The following RASAL2 variants were observed in gnomAD, a reference collection of about 807,000 sequenced individuals.
RASAL2 encodes the protein RAS protein activator like 2, also known as ras GTPase-activating protein nGAP.
A neutral mutation model predicts 128.9 loss-of-function variants in RASAL2; 58 were observed. The ratio of observed to expected loss-of-function variants is 0.45; its 90% CI spans 0.36 to 0.56. The LOEUF (loss-of-function observed/expected upper bound fraction) is 0.56. Among genes scored for constraint, RASAL2 ranks in the 20% least tolerant of loss-of-function variants. The pLI, the probability that RASAL2 is intolerant of heterozygous loss-of-function variation, is 0.00. For missense variants in RASAL2, 1,360 were observed against 1,601.6 expected, an observed-to-expected ratio of 0.85 and a Z score of 2.57; for synonymous variants, 561 against 580.8, an observed-to-expected ratio of 0.97 and a Z score of 0.49.
chr1:178,159,729 G>C (rs979332153), intron 1 of RASAL2, among the ~76,000 whole-genome samples: 2 of 152,062 alleles, frequency 1.3e-5, no homozygotes, highest in South Asian at 4.1e-4. Flanking sequence ...GGAAGTTTGA[G>C]ACCAGCCTGG....
chr1:178,137,342 C>T (rs1660364023), intron 1 of RASAL2, among the ~76,000 whole-genome samples: 1 of 152,136 alleles, frequency 6.6e-6, no homozygotes, highest in African/African-American at 2.4e-5. Context: ...TGCTTCTGCT[C>T]GCAGAATTGA....
chr1:178,172,417 A>G (rs1027995543), intron 1 of RASAL2, among the ~76,000 whole-genome samples: 2 of 152,036 alleles, frequency 1.3e-5, no homozygotes, highest in African/African-American at 2.4e-5. Context: ...ACCATTGAAT[A>G]TTCTGTTTGT....
chr1:178,310,079 CTG>C (rs1005771109), intron 3 of RASAL2, among the ~76,000 whole-genome samples: 8 of 152,066 alleles, frequency 5.3e-5, no homozygotes, highest in African/African-American at 1.9e-4. Flanking sequence ...AGTGAGGACT[CTG>C]TTTTTATTCC....
At chr1:178,325,557 G>C (rs1160619797) in intron 3 of RASAL2, among the ~76,000 whole-genome samples, 1 of 152,050 alleles carries the variant, frequency 6.6e-6, no homozygotes, top group African/African-American at 2.4e-5. Context: ...AAAATAAGAA[G>C]AGAAAAAAAT....
intron 12 of RASAL2, among the ~76,000 whole-genome samples, chr1:178,455,088 C>G (rs896008055): frequency 1.1e-4 from 17 of 152,176 alleles, no homozygotes; most frequent in African/African-American, 4.1e-4. Context: ...TTTTACTATA[C>G]AAGTCATAGA....
At chr1:178,335,881 T>G (rs1422393589) in intron 3 of RASAL2, among the ~76,000 whole-genome samples, 1 of 151,512 alleles carries the variant, frequency 6.6e-6, no homozygotes, top group African/African-American at 2.4e-5. Context: ...AAATTAATAC[T>G]ATTATAGAAA....
intron 3 of RASAL2, among the ~76,000 whole-genome samples, chr1:178,322,087 C>T (rs1668818024): frequency 6.6e-6 from 1 of 151,982 alleles, no homozygotes; most frequent in African/African-American, 2.4e-5. Context: ...CCCACCTCGG[C>T]CTCCCAAAGT....
chr1:178,146,232 A>T (rs1196525055), intron 1 of RASAL2, among the ~76,000 whole-genome samples: 1 of 152,234 alleles, frequency 6.6e-6, no homozygotes, highest in African/African-American at 2.4e-5. Context: ...CTGGAAAATA[A>T]TACAGATTAT....
chr1:178,385,669 T>G (rs535286777), intron 3 of RASAL2, among the ~76,000 whole-genome samples: 1 of 152,328 alleles, frequency 6.6e-6, no homozygotes, highest in East Asian at 1.9e-4. Context: ...TTCCTTAGCA[T>G]ATACATTTTC....
intron 5 of RASAL2, among the ~76,000 whole-genome samples, chr1:178,428,998 A>C (rs1350317273): frequency 3.9e-5 from 6 of 152,126 alleles, no homozygotes; most frequent in Non-Finnish European, 8.8e-5. Context: ...CATAATGCTC[A>C]CTGAGCCTAA....
intron 3 of RASAL2, among the ~76,000 whole-genome samples, chr1:178,343,721 C>T (rs9970621): frequency 0.038 from 5,831 of 151,922 alleles, 365 homozygotes; most frequent in African/African-American, 0.13. Flanking sequence ...GAGAAAAATA[C>T]TCAAAGGAAA....
intron 5 of RASAL2, among the ~76,000 whole-genome samples, chr1:178,424,382 G>A (rs1675378902): frequency 1.3e-5 from 2 of 151,236 alleles, no homozygotes; most frequent in South Asian, 4.2e-4. Context: ...AGCTTGGATT[G>A]CAGACATAAG....
intron 13 of RASAL2, 41 bp from the exon 14 acceptor site, chr1:178,457,642 G>A (rs1423356481): frequency 1.3e-6 from 2 of 1,584,312 alleles, no homozygotes; most frequent in African/African-American, 2.7e-5. Flanking sequence ...CCATGTTGAA[G>A]TTGTCTCAAG....
At chr1:178,184,916 T>C (rs1662236242) in intron 1 of RASAL2, among the ~76,000 whole-genome samples, 1 of 152,076 alleles carries the variant, frequency 6.6e-6, no homozygotes, top group Non-Finnish European at 1.5e-5. Context: ...ATTGAATCTT[T>C]TCAAAATTGA....
At chr1:178,174,985 A>AAGATGAG (rs1275559756) in intron 1 of RASAL2, among the ~76,000 whole-genome samples, 1 of 152,172 alleles carries the variant, frequency 6.6e-6, no homozygotes, top group Non-Finnish European at 1.5e-5. Context: ...GTAATGTACT[A>AAGATGAG]AGATGAGATA....
At position 178,466,067 on chromosome 1, in the gene RASAL2, C is replaced by T. The variant is rs776658051; in HGVS notation, c.3535C>T (p.Arg1179Trp). The change falls in exon 16 of 18, where the codon CGG (arginine) becomes TGG (tryptophan). Residue 1179 changes from arginine (R) to tryptophan (W), a missense_variant. Around this residue, in one of 3 missense-constraint regions of RASAL2, gnomAD observed 741 missense variants for 868.6 expected, o/e 0.85. Transcript: ENST00000367649. ...GGCCCGACTGGAGGACAGCGAGGAG[C>T]GGCTCCGAAGACAGCAGGAAGAAAA... Reference protein sequence around the residue: ...YKARLEDSEERLRRQQEEKDS... With the variant: ...YKARLEDSEEWLRRQQEEKDS... 3.7e-5 allele frequency: 59 copies of T among 1,581,490 alleles called. No homozygotes were observed. The highest frequency in any genetic ancestry group is 3.4e-5 in the Non-Finnish European group (40 of 1,162,364).
intron 3 of RASAL2, among the ~76,000 whole-genome samples, chr1:178,388,532 T>C (rs1196657832): frequency 6.6e-6 from 1 of 152,232 alleles, no homozygotes; most frequent in South Asian, 2.1e-4. Context: ...AACTCTCTTG[T>C]ACTGCAAGCA....
chr1:178,148,022 G>C (rs1660788568), intron 1 of RASAL2, among the ~76,000 whole-genome samples: 1 of 152,024 alleles, frequency 6.6e-6, no homozygotes, highest in African/African-American at 2.4e-5. Context: ...AGTGAGCCGA[G>C]ATGATGCCAC....
intron 1 of RASAL2, among the ~76,000 whole-genome samples, chr1:178,226,060 C>T (rs1663774458): frequency 6.6e-6 from 1 of 152,156 alleles, no homozygotes; most frequent in African/African-American, 2.4e-5. Flanking sequence ...ACCTTGAGAA[C>T]TTAGTTCTTT....
Sources: allele counts gnomAD v4.1 joint callset (sites outside exome capture counted in the v4.1 genomes callset), GRCh38; gene constraint gnomAD v4.1.1; regional missense constraint gnomAD v4.1.1; transcripts MANE v1.5; gene names NCBI Gene and HGNC (gene_info 2026-07-23, HGNC 2026-07-21).